DPP9: variants seen among roughly 807,000 people sequenced by gnomAD.
DPP9 encodes the protein dipeptidyl peptidase IV-related protein-2.
In DPP9, 50 loss-of-function variants were observed where a neutral mutation model predicts 110.7. That is an observed-to-expected ratio of 0.45 (90% confidence interval 0.36 to 0.57). The LOEUF (loss-of-function observed/expected upper bound fraction) is 0.57, where lower values mean the gene tolerates loss of function less well. Ranked by LOEUF, DPP9 falls within the 20% of genes least tolerant of loss-of-function variation. The pLI is 0.00. For synonymous variants in DPP9, 561 were observed against 514.4 expected (o/e 1.09, Z -1.23); for missense variants, 1,022 against 1,217.9 (o/e 0.84, Z 2.39).
rs567951304 is a variant in DPP9 at position 4,683,087 on chromosome 19, C to T, written c.2332-249G>A. 6.0e-6 allele frequency: 9 copies of T among 1,487,666 alleles called. No individual in the cohort carries two copies. In the East Asian group the frequency reaches 2.4e-4, roughly 40 times the overall value. 92.2% of individuals were successfully genotyped at this position (1,487,666 alleles called of 1,614,324 possible). On this transcript the variant is annotated intron_variant, in intron 19 of 21. Coordinates refer to ENST00000262960, the MANE Select transcript of DPP9 (RefSeq NM_139159.5). Reference sequence around the variant, plus strand: ...CCCGCCGCCGCAGAGGGCCGGGTCCCACTGCCCGTCTGCCTCCTCCTCCTC... The same window carrying T: ...CCCGCCGCCGCAGAGGGCCGGGTCCTACTGCCCGTCTGCCTCCTCCTCCTC...
At chr19:4,721,248 G>A (rs2093309634) in intron 2 of DPP9, among the ~76,000 whole-genome samples, 1 of 152,226 alleles carries the variant, frequency 6.6e-6, no homozygotes, top group Non-Finnish European at 1.5e-5. Flanking sequence ...CTGTGGGTAA[G>A]GGGGCACTCC....
At position 4,722,542 on chromosome 19, in the gene DPP9, G is replaced by A. The variant is rs2093366808; in HGVS notation, c.-79C>T. 1 of 703,064 alleles carries A rather than the reference G, an allele frequency of 1.4e-6. No homozygotes were observed. The allele number at this position is 703,064 out of a possible 1,614,324, so 43.6% of individuals were successfully genotyped here. A position where few individuals can be genotyped will look rare whatever the true frequency, so the allele number is the denominator to read the frequency against. On this transcript the variant is annotated 5_prime_UTR_variant, in exon 2 of 22. Transcript: ENST00000262960. Reference sequence around the variant, plus strand: ...AGCCTCCATTCCAGCTGCAGGCGTGGGACACAGACCTTTATAGGATAAACA... The same window carrying A: ...AGCCTCCATTCCAGCTGCAGGCGTGAGACACAGACCTTTATAGGATAAACA...
At chr19:4,701,501 T>C (rs1305785086) in intron 9 of DPP9, among the ~76,000 whole-genome samples, 1 of 152,068 alleles carries the variant, frequency 6.6e-6, no homozygotes, top group Non-Finnish European at 1.5e-5. Flanking sequence ...AACACCACTG[T>C]AGTGTGAGGG....
chr19:4,717,438 C>T (rs2093132230), intron 3 of DPP9, among the ~76,000 whole-genome samples: 1 of 152,156 alleles, frequency 6.6e-6, no homozygotes, highest in South Asian at 2.1e-4. Flanking sequence ...CTCTGAGCGG[C>T]CTAAGCACCC....
At chr19:4,707,414 G>A (rs1311426377) in intron 4 of DPP9, among the ~76,000 whole-genome samples, 1 of 152,018 alleles carries the variant, frequency 6.6e-6, no homozygotes, top group Non-Finnish European at 1.5e-5. Flanking sequence ...CTCTCCATGC[G>A]ACACCACTGA....
At chr19:4,708,764 C>T (rs1022828112) in intron 4 of DPP9, among the ~76,000 whole-genome samples, 1 of 152,178 alleles carries the variant, frequency 6.6e-6, no homozygotes, top group Non-Finnish European at 1.5e-5. Context: ...TAGAGCAGAA[C>T]AGACACTGGG....
Position 4,683,935 on chromosome 19 carries a change from G to C in DPP9, c.2179-306C>G, listed in dbSNP as rs1318148012. 60 of 929,958 alleles carry C rather than the reference G, an allele frequency of 6.5e-5. 1 individual carries two copies. In the South Asian group the frequency reaches 7.6e-4, roughly 12 times the overall value. The allele number at this position is 929,958 out of a possible 1,614,324, so 57.6% of individuals were successfully genotyped here. Reference sequence around the variant, plus strand: ...ACAGGAAGAGGACCCATTTTCTAGAGGGCACAAGGAAGAAAAAGACGGGTG... The same window carrying C: ...ACAGGAAGAGGACCCATTTTCTAGACGGCACAAGGAAGAAAAAGACGGGTG... On this transcript the variant is annotated intron_variant, in intron 18 of 21. Transcript: ENST00000262960.
At chr19:4,697,729 T>C in intron 10 of DPP9, 78 bp from the exon 11 acceptor site, 2 of 1,114,500 alleles carry the variant, frequency 1.8e-6, no homozygotes, top group South Asian at 2.8e-5. Context: ...CTGCGCTGGG[T>C]CCCATCATGT....
Position 4,676,197 on chromosome 19 carries a change from G to A in DPP9, c.*367C>T, listed in dbSNP as rs924117900. 10 of 241,074 alleles carry A rather than the reference G, an allele frequency of 4.1e-5. No homozygotes were observed. Among genetic ancestry groups the A allele is most frequent in the Admixed American group, 2.6e-4 (5 of 19,020 alleles). 14.9% of individuals were successfully genotyped at this position (241,074 alleles called of 1,614,324 possible). On this transcript the variant is annotated 3_prime_UTR_variant, in exon 22 of 22. Coordinates refer to ENST00000262960, the MANE Select transcript of DPP9 (RefSeq NM_139159.5). The surrounding 1 kb of genome is among the most constrained non-coding windows in gnomAD (Gnocchi z 4.0). ...CTGGGGACGGTGGCTGGCCGGGCCA[G>A]GGGACTGAGAGGTCACAGGGAGCCC... is the stretch of plus-strand genomic sequence containing the variant.
At chr19:4,691,602 G>A (rs1599890124) in intron 13 of DPP9, among the ~76,000 whole-genome samples, 1 of 151,984 alleles carries the variant, frequency 6.6e-6, no homozygotes, top group South Asian at 2.1e-4. Context: ...AGGGGGGCGG[G>A]GAGTGTGGGG....
intron 18 of DPP9, chr19:4,683,967 C>A: frequency 1.7e-6 from 1 of 602,718 alleles, no homozygotes; most frequent in Non-Finnish European, 2.7e-6. Context: ...GGTGCCCAGG[C>A]ATGTGCAAGG....
In DPP9 at chr19:4,689,719, A is replaced by G; in HGVS notation, c.1600T>C (p.Trp534Arg). The change falls in exon 15 of 22, where the codon TGG becomes CGG. Residue 534 changes from tryptophan (W) to arginine (R), a missense_variant. This residue lies in a region of DPP9 where 810 missense variants were observed against 920.6 expected (regional missense o/e 0.88). Transcript: ENST00000262960. This position sits in a 1 kb window ranked among gnomAD's most constrained non-coding sequence, Gnocchi z 7.0. ...ACCAGCTTGGTCTCCTCATTGACCCAGATCTGCAGGGGGACAGGGGATCCT... is the reference window on the plus strand; with the variant it reads ...ACCAGCTTGGTCTCCTCATTGACCCGGATCTGCAGGGGGACAGGGGATCCT... ...EVLARHGSKI[W>R]VNEETKLVYF... is the part of the protein sequence containing the mutation. 1 of 1,547,400 alleles carries G rather than the reference A, an allele frequency of 6.5e-7. No individual in the cohort carries two copies. The highest frequency in any genetic ancestry group is 8.7e-7 in the Non-Finnish European group (1 of 1,144,198).
chr19:4,684,776 T>G lies in DPP9; in HGVS notation c.2065A>C (p.Lys689Gln), dbSNP rs2090432181. Reference sequence around the variant, plus strand: ...GCCAGTGTGTTGAGCCGCAAGTACTTGATGCCTTTGAAGGAGTTATTCACC... The same window carrying G: ...GCCAGTGTGTTGAGCCGCAAGTACTGGATGCCTTTGAAGGAGTTATTCACC... ...QLVNNSFKGIKYLRLNTLASL... is the reference protein window; with the variant it reads ...QLVNNSFKGIQYLRLNTLASL... The change falls in exon 18 of 22, where the codon AAG becomes CAG. Residue 689 changes from lysine to glutamine, a missense_variant. By Grantham distance (53) the Lys-to-Gln change is moderately conservative. Transcript: ENST00000262960. This position sits in a 1 kb window ranked among gnomAD's most constrained non-coding sequence, Gnocchi z 4.8. 6.2e-7 allele frequency: 1 copy of G among 1,600,926 alleles called. No homozygotes were observed. Among genetic ancestry groups the G allele is most frequent in the Admixed American group, 1.7e-5 (1 of 57,520 alleles).
intron 10 of DPP9, among the ~76,000 whole-genome samples, chr19:4,699,282 G>A (rs1438569233): frequency 2.0e-5 from 3 of 151,986 alleles, no homozygotes; most frequent in Admixed American, 2.0e-4. Flanking sequence ...TCCATCCTCT[G>A]GTGCAGGGGA....
rs200615314 is a variant in DPP9, at chr19:4,682,715, C to T, written c.2455G>A (p.Val819Met). 3.7e-6 allele frequency: 6 copies of T among 1,609,768 alleles called. No homozygotes were observed. Among genetic ancestry groups the T allele is most frequent in the East Asian group, 2.2e-5 (1 of 44,722 alleles). Residue 819 changes from valine (V) to methionine (M), a missense_variant, in exon 20 of 22, where the codon GTG becomes ATG. Physicochemically the swap from Val to Met is conservative, Grantham distance 21. Around this residue, in one of 3 missense-constraint regions of DPP9, gnomAD observed 209 missense variants for 280.4 expected, o/e 0.75. Transcript: ENST00000262960. The surrounding 1 kb of genome is among the most constrained non-coding windows in gnomAD (Gnocchi z 7.1). ...GYEAGSVALH[V>M]EKLPNEPNRL... ...CCTTACTCATTGGGCAGCTTCTCCACGTGCAGGGCCACGGAACCCGCCTCA... is the reference window on the plus strand; with the variant it reads ...CCTTACTCATTGGGCAGCTTCTCCATGTGCAGGGCCACGGAACCCGCCTCA...
Position 4,694,477 on chromosome 19 carries a change from G to C in DPP9, c.1516+184C>G. On this transcript the variant is annotated intron_variant, in intron 13 of 21. Transcript: ENST00000262960. This position sits in a 1 kb window ranked among gnomAD's most constrained non-coding sequence, Gnocchi z 4.0. ...AATCTGCTGCCTGAATAAGCCAACA[G>C]TTGGGTGCTCTAAGCCCTGCCAGAT... The C allele has an allele frequency of 1.4e-6, 1 of 734,706 alleles. No individual in the cohort carries two copies. Among genetic ancestry groups the C allele is most frequent in the Non-Finnish European group, 2.2e-6 (1 of 459,222 alleles). The allele number at this position is 734,706 out of a possible 1,614,324, so 45.5% of individuals were successfully genotyped here.
chr19:4,688,890 G>A lies in DPP9; in HGVS notation c.1752C>T (p.Asn584=), dbSNP rs377540638. The change falls in exon 16 of 22, where the codon AAC becomes AAT. Residue 584 remains asparagine, a splice_region_variant and synonymous_variant. Coordinates refer to ENST00000262960, the MANE Select transcript of DPP9 (RefSeq NM_139159.5). The part of the protein sequence containing the change: ...GFSHSCSMSQ[N]FDMFVSHYSS... Reference sequence around the variant, plus strand: ...TGTAGTGGCTGACGAACATGTCGAAGTTCTGGGGGTGGAATGGGGTGATGA... The same window carrying A: ...TGTAGTGGCTGACGAACATGTCGAAATTCTGGGGGTGGAATGGGGTGATGA... 75 of 1,517,966 alleles carry A rather than the reference G, an allele frequency of 4.9e-5. No individual in the cohort carries two copies. In the African/African-American group the frequency reaches 8.6e-4, roughly 17 times the overall value. The allele number at this position is 1,517,966 out of a possible 1,614,324, so 94.0% of individuals were successfully genotyped here.
chr19:4,688,111 T>G (rs1431830376), intron 16 of DPP9, among the ~76,000 whole-genome samples: 1 of 151,604 alleles, frequency 6.6e-6, no homozygotes, highest in Non-Finnish European at 1.5e-5. Flanking sequence ...TGTTTTTAAT[T>G]TTTAATTTTT....
intron 18 of DPP9, 164 bp from the exon 19 acceptor site, chr19:4,683,793 G>A: frequency 6.5e-7 from 1 of 1,545,246 alleles, no homozygotes; most frequent in South Asian, 1.2e-5. Context: ...CTGCTATCTG[G>A]GGATGGCTGG....
Sources: gnomAD v4.1 joint callset for allele counts (sites outside exome capture counted in the v4.1 genomes callset) on GRCh38, gnomAD v4.1.1 for gene constraint, gnomAD v4.1.1 regional missense constraint, Gnocchi (gnomAD v3.1) non-coding constraint, MANE v1.5 for transcripts, NCBI Gene and HGNC (gene_info 2026-07-23, HGNC 2026-07-21) for gene names.